The following SPEF2 variants were observed in gnomAD, a reference collection of about 807,000 sequenced individuals.
SPEF2 encodes the protein sperm flagella and cilia-associated protein 2.
Under a neutral mutation model 224.6 loss-of-function variants are expected in SPEF2, and 187 were observed. The observed-to-expected ratio is 0.83, with a 90% CI of 0.74 to 0.94. SPEF2 has a LOEUF of 0.94. SPEF2 is among the 40% of genes least tolerant of loss of function. SPEF2 has a pLI of 0.00. For missense variants in SPEF2, 2,170 were observed against 2,135.6 expected (o/e 1.02, Z -0.32); for synonymous variants, 715 against 707.3 (o/e 1.01, Z -0.17).
chr5:35,643,814 A>G (rs1039769823), intron 3 of SPEF2, among the ~76,000 whole-genome samples: 1 of 152,256 alleles, frequency 6.6e-6, no homozygotes, highest in Non-Finnish European at 1.5e-5. Flanking sequence ...GCCATAAAAT[A>G]TAGTTACTTT....
intron 24 of SPEF2, among the ~76,000 whole-genome samples, chr5:35,754,349 G>A (rs778036997): frequency 3.9e-5 from 6 of 152,188 alleles, no homozygotes; most frequent in Non-Finnish European, 4.4e-5. Context: ...ACCCAGCTCC[G>A]CCAAGACAAA....
intron 25 of SPEF2, among the ~76,000 whole-genome samples, chr5:35,763,187 A>G (rs1173848129): frequency 6.6e-6 from 1 of 152,096 alleles, no homozygotes; most frequent in Admixed American, 6.5e-5. Context: ...ATTATCCTTC[A>G]TGGGAAGTGT....
Position 35,793,146 on chromosome 5 carries a change from T to C in SPEF2, c.4555-13T>C, listed in dbSNP as rs1756191235. ...ATGTAGATATTCCAAAGATATTTCCTGTTTTCTTCTAGTTACAGGAATTAA... is the reference window on the plus strand; with the variant it reads ...ATGTAGATATTCCAAAGATATTTCCCGTTTTCTTCTAGTTACAGGAATTAA... On this transcript the variant is annotated splice_polypyrimidine_tract_variant and intron_variant, in intron 31 of 36. Coordinates refer to ENST00000356031, the MANE Select transcript of SPEF2 (RefSeq NM_024867.4). 1 of 1,610,862 alleles carries C rather than the reference T, an allele frequency of 6.2e-7. No homozygotes were observed. The highest frequency in any genetic ancestry group is 8.5e-7 in the Non-Finnish European group (1 of 1,178,340).
intron 21 of SPEF2, among the ~76,000 whole-genome samples, chr5:35,734,549 A>T (rs1040728065): frequency 6.6e-6 from 1 of 152,080 alleles, no homozygotes; most frequent in Non-Finnish European, 1.5e-5. Flanking sequence ...GCTGCCTGTG[A>T]CCCACAGGCC....
At chr5:35,730,666 G>A (rs1428500824) in intron 21 of SPEF2, among the ~76,000 whole-genome samples, 1 of 152,222 alleles carries the variant, frequency 6.6e-6, no homozygotes, top group Admixed American at 6.5e-5. Flanking sequence ...AACAAACATG[G>A]ACAGTTAGGT....
Position 35,776,383 on chromosome 5 carries a change from A to C in SPEF2, c.4205A>C (p.Asn1402Thr). Residue 1402 changes from asparagine to threonine, a missense_variant, in exon 29 of 37, where the codon AAT (asparagine) becomes ACT (threonine). Transcript: ENST00000356031. ...AAATGGCTTGGTGAGAGGTATTTGA[A>C]TGAAATGGCCAGGTAAAGTACTACA... ...MEKWLGERYLNEMASTEKLTD... is the reference protein window; with the variant it reads ...MEKWLGERYLTEMASTEKLTD... The C allele has an allele frequency of 6.2e-7, 1 of 1,608,426 alleles. No homozygotes were observed. The highest frequency in any genetic ancestry group is 8.5e-7 in the Non-Finnish European group (1 of 1,177,832).
At chr5:35,666,803 A>G (rs111666714) in intron 8 of SPEF2, among the ~76,000 whole-genome samples, 8 of 152,278 alleles carry the variant, frequency 5.3e-5, no homozygotes, top group African/African-American at 1.7e-4. Flanking sequence ...CCAATTCCTC[A>G]TTAATCCACA....
intron 30 of SPEF2, chr5:35,790,461 T>A (rs1028686864): frequency 2.6e-5 from 11 of 426,270 alleles, no homozygotes; most frequent in African/African-American, 2.3e-4. Flanking sequence ...TCCAGAAGCC[T>A]GGAATTTAAA....
chr5:35,635,647 A>G (rs901840119), intron 2 of SPEF2, among the ~76,000 whole-genome samples: 1 of 152,192 alleles, frequency 6.6e-6, no homozygotes, highest in Admixed American at 6.5e-5. Flanking sequence ...GTTGTTGGCC[A>G]AAGATTTATT....
intron 36 of SPEF2, chr5:35,807,848 G>A (rs1290824487): frequency 2.0e-6 from 3 of 1,512,778 alleles, no homozygotes; most frequent in Non-Finnish European, 8.8e-7. Context: ...CATCCACTAT[G>A]GCGAGTCCCA....
intron 26 of SPEF2, among the ~76,000 whole-genome samples, chr5:35,768,187 G>T (rs1443925420): frequency 6.6e-6 from 1 of 152,016 alleles, no homozygotes; most frequent in Non-Finnish European, 1.5e-5. Context: ...TAGTCTTGAG[G>T]TGCTGCTGCT....
At chr5:35,631,537 C>G (rs1745129918) in intron 2 of SPEF2, among the ~76,000 whole-genome samples, 1 of 152,150 alleles carries the variant, frequency 6.6e-6, no homozygotes, top group African/African-American at 2.4e-5. Context: ...AATTCAGGCA[C>G]TTAAAAAAAC....
chr5:35,695,720 T>C lies in SPEF2; in HGVS notation c.1976-15T>C. Reference sequence around the variant, plus strand: ...AATACCAGAAATTTGTTCTTACCACTTTTCCTATTGCTAGGTGCTAATGCT... The same window carrying C: ...AATACCAGAAATTTGTTCTTACCACCTTTCCTATTGCTAGGTGCTAATGCT... On this transcript the variant is annotated splice_polypyrimidine_tract_variant and intron_variant, in intron 13 of 36. Coordinates refer to ENST00000356031, the MANE Select transcript of SPEF2 (RefSeq NM_024867.4). 1.2e-6 allele frequency: 2 copies of C among 1,602,742 alleles called. No individual in the cohort carries two copies. The highest frequency in any genetic ancestry group is 1.7e-6 in the Non-Finnish European group (2 of 1,174,282).
At chr5:35,696,399 C>T (rs2149548237) in intron 14 of SPEF2, among the ~76,000 whole-genome samples, 1 of 152,058 alleles carries the variant, frequency 6.6e-6, no homozygotes, top group African/African-American at 2.4e-5. Context: ...GGATATACAC[C>T]AAACTGTAAA....
intron 19 of SPEF2, chr5:35,710,661 G>A (rs1740922807): frequency 8.1e-6 from 8 of 985,266 alleles, no homozygotes; most frequent in South Asian, 9.4e-5. Flanking sequence ...TATGACTCTA[G>A]GTTAAAGCTC....
intron 25 of SPEF2, among the ~76,000 whole-genome samples, chr5:35,760,128 G>A (rs369876119): frequency 6.6e-6 from 1 of 152,054 alleles, no homozygotes; most frequent in African/African-American, 2.4e-5. Context: ...TTGGGAGGCC[G>A]AGGCAGGCAG....
chr5:35,659,920 C>T (rs1019487220), intron 8 of SPEF2, among the ~76,000 whole-genome samples: 1 of 151,536 alleles, frequency 6.6e-6, no homozygotes, highest in African/African-American at 2.4e-5. Flanking sequence ...AGAGATTCCT[C>T]AGGCCCATAT....
intron 28 of SPEF2, among the ~76,000 whole-genome samples, chr5:35,775,505 G>A (rs1437873125): frequency 6.6e-6 from 1 of 152,106 alleles, no homozygotes; most frequent in East Asian, 1.9e-4. Flanking sequence ...CGACTTGGGA[G>A]ATGGGGAGGC....
chr5:35,718,263 CTT>C lies in SPEF2; in HGVS notation c.2914+5379_2914+5380del, dbSNP rs577219435. 4.6e-3 allele frequency among the ~76,000 whole-genome samples: 706 copies of C among 152,266 alleles called. 7 individuals carry two copies. The highest frequency in any genetic ancestry group is 0.017 in the African/African-American group (688 of 41,552). On this transcript the variant is annotated intron_variant, in intron 20 of 36. Transcript: ENST00000356031. ...CAGTTTAAGGCTTGGGAAATAAACT[CTT>C]TCAAGTTTGGAGGATGCATCTGAGG...
Sources: allele counts gnomAD v4.1 joint callset (sites outside exome capture counted in the v4.1 genomes callset), GRCh38; gene constraint gnomAD v4.1.1; transcripts MANE v1.5; gene names NCBI Gene and HGNC (gene_info 2026-07-23, HGNC 2026-07-21).